The following SEMA3C variants were observed in gnomAD, a reference collection of about 807,000 sequenced individuals.
The protein encoded by SEMA3C is semaphorin-3C.
Under a neutral mutation model 89.4 loss-of-function variants are expected in SEMA3C, and 47 were observed. The ratio of observed to expected loss-of-function variants is 0.53; its 90% CI spans 0.42 to 0.67. SEMA3C has a LOEUF of 0.67. SEMA3C is among the 30% of genes least tolerant of loss of function. SEMA3C has a pLI of 0.00. For synonymous variants in SEMA3C, 310 were observed against 320.2 expected (o/e 0.97, Z 0.34); for missense variants, 839 against 929.1 (o/e 0.90, Z 1.26).
chr7:80,787,125 G>C (rs577927285), intron 12 of SEMA3C, among the ~76,000 whole-genome samples: 1 of 152,116 alleles, frequency 6.6e-6, no homozygotes, highest in Non-Finnish European at 1.5e-5. Context: ...CAGGCACAGA[G>C]GTTCATGCCT....
At chr7:80,779,071 C>A (rs1428247627) in intron 12 of SEMA3C, among the ~76,000 whole-genome samples, 2 of 152,142 alleles carry the variant, frequency 1.3e-5, no homozygotes, top group Admixed American at 6.5e-5. Context: ...CTCTATAACA[C>A]CCTCTTTGAC....
intron 15 of SEMA3C, among the ~76,000 whole-genome samples, chr7:80,752,196 T>C (rs1210988649): frequency 1.3e-5 from 2 of 152,230 alleles, no homozygotes; most frequent in East Asian, 1.9e-4. Flanking sequence ...GCATATTCTA[T>C]ATTAAAATTT....
chr7:80,837,041 G>A (rs2115857162), intron 2 of SEMA3C, among the ~76,000 whole-genome samples: 1 of 152,248 alleles, frequency 6.6e-6, no homozygotes, highest in South Asian at 2.1e-4. Flanking sequence ...TGCTGTCAGT[G>A]CTCCTTTAAT....
intron 17 of SEMA3C, among the ~76,000 whole-genome samples, chr7:80,746,629 A>G (rs1172229188): frequency 1.3e-5 from 2 of 151,430 alleles, no homozygotes; most frequent in Admixed American, 6.6e-5. Flanking sequence ...GATGGCTTTG[A>G]AAAAAAACAC....
At chr7:80,785,158 A>G (rs896217294) in intron 12 of SEMA3C, among the ~76,000 whole-genome samples, 4 of 152,212 alleles carry the variant, frequency 2.6e-5, no homozygotes, top group African/African-American at 9.6e-5. Flanking sequence ...CCAGAGTTGT[A>G]CACGATAATG....
At chr7:80,828,286 T>G (rs1789923140) in intron 3 of SEMA3C, among the ~76,000 whole-genome samples, 1 of 152,138 alleles carries the variant, frequency 6.6e-6, no homozygotes, top group Non-Finnish European at 1.5e-5. Context: ...CTTCCTTTTC[T>G]CTGACCATTT....
intron 16 of SEMA3C, among the ~76,000 whole-genome samples, chr7:80,749,783 A>G (rs1787884007): frequency 6.6e-6 from 1 of 152,164 alleles, no homozygotes; most frequent in Non-Finnish European, 1.5e-5. Flanking sequence ...ATAAAGCAGG[A>G]ATAATAAGAC....
chr7:80,911,605 T>C (rs571004958), intron 2 of SEMA3C, among the ~76,000 whole-genome samples: 68 of 151,586 alleles, frequency 4.5e-4, no homozygotes, highest in East Asian at 5.8e-4. Flanking sequence ...TATTAATTCA[T>C]AGAATAGGAC....
intron 2 of SEMA3C, among the ~76,000 whole-genome samples, chr7:80,898,821 GA>G (rs1791803235): frequency 7.3e-6 from 1 of 136,504 alleles, no homozygotes; most frequent in East Asian, 2.2e-4. Flanking sequence ...ATTTTTGTTT[GA>G]CCAAAAAAAA....
Position 80,761,591 on chromosome 7 carries a change from G to T in SEMA3C, c.1485+25C>A, listed in dbSNP as rs772041243. The T allele has an allele frequency of 7.7e-6, 9 of 1,170,366 alleles. No homozygotes were observed. The Admixed American group carries it at 1.6e-4, about 21-fold the overall frequency. 72.5% of individuals were successfully genotyped at this position (1,170,366 alleles called of 1,614,324 possible). A position where few individuals can be genotyped will look rare whatever the true frequency, so the allele number is the denominator to read the frequency against. On this transcript the variant is annotated intron_variant, in intron 14 of 17. Transcript: ENST00000265361. ...ACAACAAAACATTTCAATAAGCAAA[G>T]AACATAAAATAGCTTAGTTTTTACC...
chr7:80,885,571 T>A (rs1791455183), intron 2 of SEMA3C, among the ~76,000 whole-genome samples: 2 of 152,176 alleles, frequency 1.3e-5, no homozygotes. Context: ...GAGCTGAGAT[T>A]GCGCCACTGC....
At chr7:80,886,501 G>A (rs937742664) in intron 2 of SEMA3C, among the ~76,000 whole-genome samples, 1 of 151,654 alleles carries the variant, frequency 6.6e-6, no homozygotes, top group Non-Finnish European at 1.5e-5. Context: ...TTACAGGCAC[G>A]CACCACCATA....
At chr7:80,818,736 T>A (rs2115762882) in intron 4 of SEMA3C, among the ~76,000 whole-genome samples, 1 of 152,348 alleles carries the variant, frequency 6.6e-6, no homozygotes, top group South Asian at 2.1e-4. Context: ...TTCAAAGCTG[T>A]CCTGGGTTGC....
intron 2 of SEMA3C, among the ~76,000 whole-genome samples, chr7:80,838,424 T>C (rs2115863868): frequency 6.6e-6 from 1 of 152,316 alleles, no homozygotes; most frequent in African/African-American, 2.4e-5. Flanking sequence ...TCTGTAAAGC[T>C]AATGTAATCC....
Position 80,754,771 on chromosome 7 carries a change from T to TTTG in SEMA3C, c.1644-3438_1644-3436dup, listed in dbSNP as rs201627732. On this transcript the variant is annotated intron_variant, in intron 15 of 17. Transcript: ENST00000265361. ...CTGCTGGAGATAATCAAGATAGCTG[T>TTTG]TTGTTGTTGTTGTTGTTGTTGTTTT... Among the ~76,000 whole-genome samples the TTTG allele has an allele frequency of 5.5e-3, 824 of 151,188 alleles. 5 individuals carry two copies. Among genetic ancestry groups the TTTG allele is most frequent in the African/African-American group, 0.018 (737 of 41,238 alleles).
At chr7:80,897,806 T>G (rs1167901724) in intron 2 of SEMA3C, among the ~76,000 whole-genome samples, 5 of 152,160 alleles carry the variant, frequency 3.3e-5, no homozygotes, top group Non-Finnish European at 5.9e-5. Flanking sequence ...ATTGTTTACT[T>G]TGTTGTGAAG....
At chr7:80,818,500 G>T in intron 4 of SEMA3C, 82 bp from the exon 5 acceptor site, 1 of 1,455,632 alleles carries the variant, frequency 6.9e-7, no homozygotes, top group Non-Finnish European at 9.4e-7. Context: ...CTGAGATCTT[G>T]TATGATAAGT....
intron 13 of SEMA3C, among the ~76,000 whole-genome samples, chr7:80,764,649 TAAAG>T (rs1185837457): frequency 6.6e-6 from 1 of 152,112 alleles, no homozygotes; most frequent in Non-Finnish European, 1.5e-5. Flanking sequence ...TTCTGAGTGG[TAAAG>T]AGACAACATT....
intron 6 of SEMA3C, among the ~76,000 whole-genome samples, chr7:80,808,635 T>C (rs765673236): frequency 1.3e-5 from 2 of 152,188 alleles, no homozygotes; most frequent in African/African-American, 2.4e-5. Context: ...AGCAAGCATT[T>C]TGAACACAAT....
Sources: gnomAD v4.1 joint callset for allele counts (sites outside exome capture counted in the v4.1 genomes callset) on GRCh38, gnomAD v4.1.1 for gene constraint, MANE v1.5 for transcripts, NCBI Gene and HGNC (gene_info 2026-07-23, HGNC 2026-07-21) for gene names.